Variants in C10orf90 observed in about 807,000 individuals in gnomAD.
C10orf90 encodes (E2-independent) E3 ubiquitin-conjugating enzyme FATS.
In C10orf90, 56 loss-of-function variants were observed where a neutral mutation model predicts 62.5. The ratio of observed to expected loss-of-function variants is 0.90; its 90% CI spans 0.72 to 1.12. The LOEUF (loss-of-function observed/expected upper bound fraction) is 1.12, where lower values mean the gene tolerates loss of function less well. Among genes scored for constraint, C10orf90 ranks in the 50% most tolerant of loss-of-function variants. The pLI is 0.00. For missense variants in C10orf90, 970 were observed against 880.4 expected (o/e 1.10, Z -1.29); for synonymous variants, 386 against 340.4 (o/e 1.13, Z -1.47).
intron 4 of C10orf90, among the ~76,000 whole-genome samples, chr10:126,482,022 T>A (rs1175142793): frequency 1.3e-5 from 2 of 152,174 alleles, no homozygotes; most frequent in African/African-American, 4.8e-5. Context: ...TTACTAGGTT[T>A]CCCCAGTCTA....
At chr10:126,442,995 G>A (rs185032408) in intron 7 of C10orf90, among the ~76,000 whole-genome samples, 428 of 152,016 alleles carry the variant, frequency 2.8e-3, no homozygotes, top group Non-Finnish European at 4.9e-3. Flanking sequence ...CAAAACCTCT[G>A]GGATACAGCA....
Position 126,646,650 on chromosome 10 carries a change from C to T in C10orf90, c.241-13G>A, listed in dbSNP as rs1591171902. On this transcript the variant is annotated splice_polypyrimidine_tract_variant and intron_variant, in intron 1 of 9. Transcript: ENST00000488181. ...GTCGACTGTGGATCTAGAAAACAAA[C>T]AGAAATATTTCCCAATTTCATATTT... 1 of 433,060 alleles carries T rather than the reference C, an allele frequency of 2.3e-6. No individual in the cohort carries two copies. Among genetic ancestry groups the T allele is most frequent in the South Asian group, 1.7e-5 (1 of 58,814 alleles). 26.8% of individuals were successfully genotyped at this position (433,060 alleles called of 1,614,324 possible). A position where few individuals can be genotyped will look rare whatever the true frequency, so the allele number is the denominator to read the frequency against.
chr10:126,603,130 A>T (rs1348789513), intron 2 of C10orf90, among the ~76,000 whole-genome samples: 1 of 152,090 alleles, frequency 6.6e-6, no homozygotes, highest in Non-Finnish European at 1.5e-5. Context: ...TGGAGCTGGA[A>T]GTCATCTGTA....
chr10:126,489,112 A>G (rs542218949), intron 4 of C10orf90, among the ~76,000 whole-genome samples: 84 of 152,098 alleles, frequency 5.5e-4, no homozygotes, highest in African/African-American at 1.9e-3. Flanking sequence ...AAACATAAAT[A>G]AAAAAAATCC....
At chr10:126,594,197 G>T (rs1353340594) in intron 2 of C10orf90, among the ~76,000 whole-genome samples, 1 of 150,472 alleles carries the variant, frequency 6.6e-6, no homozygotes, top group African/African-American at 2.5e-5. Flanking sequence ...ATTCCTAAGT[G>T]ATAAGAGCAA....
At chr10:126,593,897 G>A (rs1338416827) in intron 2 of C10orf90, among the ~76,000 whole-genome samples, 1 of 151,854 alleles carries the variant, frequency 6.6e-6, no homozygotes, top group Non-Finnish European at 1.5e-5. Flanking sequence ...GCAGGATATC[G>A]TCTGCCATAA....
chr10:126,620,090 G>A (rs1015295600), intron 2 of C10orf90, among the ~76,000 whole-genome samples: 1 of 151,530 alleles, frequency 6.6e-6, no homozygotes, highest in South Asian at 2.1e-4. Context: ...TTTTTACATG[G>A]TGTCTTTTAT....
At chr10:126,512,187 G>T (rs908160665) in intron 3 of C10orf90, 1 of 152,028 alleles carries the variant, frequency 6.6e-6, no homozygotes, top group Admixed American at 6.6e-5. Flanking sequence ...TCCAGAGCAG[G>T]TGGTCAGAAG....
At chr10:126,502,070 A>C (rs1369246749) in intron 4 of C10orf90, among the ~76,000 whole-genome samples, 2 of 145,650 alleles carry the variant, frequency 1.4e-5, no homozygotes, top group African/African-American at 5.1e-5. Flanking sequence ...GCACACACAC[A>C]CCACACACAC....
chr10:126,634,921 T>G (rs1279343846), intron 2 of C10orf90, among the ~76,000 whole-genome samples: 1 of 152,180 alleles, frequency 6.6e-6, no homozygotes, highest in Non-Finnish European at 1.5e-5. Context: ...CACCCCAAGC[T>G]AAGAATCCAC....
intron 2 of C10orf90, among the ~76,000 whole-genome samples, chr10:126,518,166 T>C (rs1377828027): frequency 6.6e-6 from 1 of 152,132 alleles, no homozygotes; most frequent in East Asian, 1.9e-4. Flanking sequence ...CCCGCATTGC[T>C]GTTCAACAGC....
At chr10:126,464,572 G>C in intron 5 of C10orf90, 124 bp downstream of exon 5, 1 of 1,103,764 alleles carries the variant, frequency 9.1e-7, no homozygotes, top group Non-Finnish European at 1.3e-6. Context: ...TGCTCTCCCA[G>C]TTGGAGAAGG....
intron 2 of C10orf90, among the ~76,000 whole-genome samples, chr10:126,538,014 G>A (rs1253510176): frequency 6.6e-6 from 1 of 152,208 alleles, no homozygotes; most frequent in African/African-American, 2.4e-5. Context: ...GGATTGGGGT[G>A]ATTGTATTAG....
At chr10:126,468,529 G>C (rs1860409570) in intron 4 of C10orf90, among the ~76,000 whole-genome samples, 1 of 152,178 alleles carries the variant, frequency 6.6e-6, no homozygotes, top group Non-Finnish European at 1.5e-5. Context: ...GGACACCAGG[G>C]ACTGATCACG....
chr10:126,641,992 G>T (rs568800800), intron 2 of C10orf90, among the ~76,000 whole-genome samples: 3 of 152,242 alleles, frequency 2.0e-5, no homozygotes, highest in Admixed American at 2.0e-4. Context: ...AAAATTCAGA[G>T]ATGACATTCA....
chr10:126,510,594 CT>C (rs1166235641), intron 3 of C10orf90, among the ~76,000 whole-genome samples: 1 of 152,130 alleles, frequency 6.6e-6, no homozygotes, highest in African/African-American at 2.4e-5. Context: ...AGATGAGTGG[CT>C]GGGTTTTGTG....
At chr10:126,648,428 A>C (rs10794095) in intron 1 of C10orf90, among the ~76,000 whole-genome samples, 78,521 of 152,090 alleles carry the variant, frequency 0.52, 20,799 homozygotes, top group South Asian at 0.59. Context: ...ATAAATTACT[A>C]AGTCTCAGAT....
intron 2 of C10orf90, among the ~76,000 whole-genome samples, chr10:126,608,877 G>A (rs2133797934): frequency 6.6e-6 from 1 of 152,192 alleles, no homozygotes; most frequent in South Asian, 2.1e-4. Context: ...TTTTTCCCCA[G>A]TTTTAATTTG....
At chr10:126,554,864 A>C (rs1010832630) in intron 2 of C10orf90, among the ~76,000 whole-genome samples, 2 of 152,256 alleles carry the variant, frequency 1.3e-5, no homozygotes, top group African/African-American at 4.8e-5. Context: ...ACATCAAAAC[A>C]GAGAAGGAAA....
Sources: gnomAD v4.1 joint callset for allele counts (sites outside exome capture counted in the v4.1 genomes callset) on GRCh38, gnomAD v4.1.1 for gene constraint, MANE v1.5 for transcripts, NCBI Gene and HGNC (gene_info 2026-07-23, HGNC 2026-07-21) for gene names.